Variants in DGKB observed in about 807,000 individuals in gnomAD.
DGKB encodes the protein 90 kDa diacylglycerol kinase.
DGKB carries 67 observed loss-of-function variants against 114.3 expected under a neutral mutation model. The ratio of observed to expected loss-of-function variants is 0.59; its 90% CI spans 0.48 to 0.72. The LOEUF is 0.72. Among genes scored for constraint, DGKB ranks in the 30% least tolerant of loss-of-function variants. The pLI, the probability that DGKB is intolerant of heterozygous loss-of-function variation, is 0.00. For synonymous variants in DGKB, 398 were observed against 323.1 expected, an observed-to-expected ratio of 1.23 and a Z score of -2.49; for missense variants, 907 against 975.2, an observed-to-expected ratio of 0.93 and a Z score of 0.93.
At chr7:14,844,712 G>C (rs893610699) in intron 1 of DGKB, among the ~76,000 whole-genome samples, 44 of 152,246 alleles carry the variant, frequency 2.9e-4, no homozygotes, top group African/African-American at 1.0e-3. Context: ...GATTCCTGAG[G>C]CCTGTCTGAC....
At chr7:14,674,927 T>C (rs1385606227) in intron 12 of DGKB, among the ~76,000 whole-genome samples, 2 of 152,080 alleles carry the variant, frequency 1.3e-5, no homozygotes, top group Non-Finnish European at 1.5e-5. Flanking sequence ...AGGCACCTAT[T>C]ATATGACATT....
chr7:14,459,014 G>C (rs1043595181), intron 21 of DGKB, among the ~76,000 whole-genome samples: 1 of 151,536 alleles, frequency 6.6e-6, no homozygotes, highest in Non-Finnish European at 1.5e-5. Context: ...CAGCTTGGTG[G>C]GGGGAGGGGC....
At chr7:14,719,426 T>C (rs996295470) in intron 5 of DGKB, among the ~76,000 whole-genome samples, 1 of 126,172 alleles carries the variant, frequency 7.9e-6, no homozygotes, top group Non-Finnish European at 1.8e-5. Context: ...AACTTGTTAG[T>C]TCTGTCTTAC....
intron 1 of DGKB, among the ~76,000 whole-genome samples, chr7:14,914,505 AG>A (rs1241391804): frequency 1.3e-5 from 2 of 152,182 alleles, no homozygotes; most frequent in African/African-American, 4.8e-5. Flanking sequence ...GCAAATATTA[AG>A]TACAACCCTC....
chr7:14,513,604 G>A (rs1788311802), intron 20 of DGKB, among the ~76,000 whole-genome samples: 1 of 151,808 alleles, frequency 6.6e-6, no homozygotes, highest in South Asian at 2.1e-4. Flanking sequence ...TACATCTATT[G>A]CATTTTGGGC....
At chr7:14,645,791 T>TGAGG (rs1002872732) in intron 13 of DGKB, among the ~76,000 whole-genome samples, 12 of 151,358 alleles carry the variant, frequency 7.9e-5, no homozygotes, top group Middle Eastern at 3.5e-3. Flanking sequence ...AAGCAAAAAC[T>TGAGG]GAGGGAATTC....
At chr7:14,371,193 G>T (rs950213299) in intron 21 of DGKB, among the ~76,000 whole-genome samples, 3 of 152,106 alleles carry the variant, frequency 2.0e-5, no homozygotes, top group Non-Finnish European at 4.4e-5. Context: ...CCAGTAATGA[G>T]ATTGCTGGGT....
At chr7:14,321,028 T>C (rs1807674081) in intron 23 of DGKB, among the ~76,000 whole-genome samples, 1 of 152,190 alleles carries the variant, frequency 6.6e-6, no homozygotes, top group Non-Finnish European at 1.5e-5. Flanking sequence ...AGGTGGCTCA[T>C]GCCAGTAATC....
intron 1 of DGKB, among the ~76,000 whole-genome samples, chr7:14,889,273 G>T (rs1780800375): frequency 6.6e-6 from 1 of 151,666 alleles, no homozygotes; most frequent in Admixed American, 6.6e-5. Context: ...AGCTCTACCA[G>T]CATTCCATGT....
At chr7:14,426,034 A>AT (rs1201009589) in intron 21 of DGKB, among the ~76,000 whole-genome samples, 4 of 152,138 alleles carry the variant, frequency 2.6e-5, no homozygotes, top group Non-Finnish European at 4.4e-5. Flanking sequence ...AAACTCCTGT[A>AT]TTTTTTGAAT....
At chr7:14,323,548 A>G (rs1170832709) in intron 23 of DGKB, among the ~76,000 whole-genome samples, 10 of 152,200 alleles carry the variant, frequency 6.6e-5, no homozygotes, top group Admixed American at 6.5e-4. Flanking sequence ...TATTTTAACA[A>G]TGACCTGTTT....
chr7:14,631,545 C>T (rs562511205), intron 13 of DGKB, among the ~76,000 whole-genome samples: 1 of 152,030 alleles, frequency 6.6e-6, no homozygotes, highest in East Asian at 1.9e-4. Context: ...CTCTGGCCAA[C>T]TATCCATTCC....
chr7:14,718,994 T>G, intron 5 of DGKB: 1 of 200,860 alleles, frequency 5.0e-6, no homozygotes, highest in Non-Finnish European at 9.9e-6. Flanking sequence ...ACTTCCCTAT[T>G]CCACTTTTCT....
intron 21 of DGKB, among the ~76,000 whole-genome samples, chr7:14,428,908 T>C (rs1339809720): frequency 6.6e-6 from 1 of 152,104 alleles, no homozygotes; most frequent in African/African-American, 2.4e-5. Flanking sequence ...CTAAGGACTC[T>C]TTGTAATATA....
Position 14,683,815 on chromosome 7 carries a change from G to C in DGKB, c.830-974C>G, listed in dbSNP as rs964100929. Reference sequence around the variant, plus strand: ...CTGTGATTTTCTTTGGCAACATTGAGGGAGAAAACATGTTTTCTCTTCTCC... The same window carrying C: ...CTGTGATTTTCTTTGGCAACATTGACGGAGAAAACATGTTTTCTCTTCTCC... On this transcript the variant is annotated intron_variant, in intron 10 of 25. Coordinates refer to ENST00000402815, the MANE Select transcript of DGKB (RefSeq NM_001350709.2). Among the ~76,000 whole-genome samples the C allele has an allele frequency of 1.3e-4, 19 of 151,818 alleles. 1 individual carries two copies. The highest frequency in any genetic ancestry group is 1.2e-3 in the Admixed American group (19 of 15,224).
intron 23 of DGKB, among the ~76,000 whole-genome samples, chr7:14,222,698 A>T (rs552896547): frequency 5.3e-5 from 8 of 151,624 alleles, no homozygotes; most frequent in African/African-American, 1.7e-4. Context: ...CAGAGTTCCA[A>T]TGTTCTATTT....
At chr7:14,660,560 G>A (rs1816830137) in intron 13 of DGKB, among the ~76,000 whole-genome samples, 1 of 151,802 alleles carries the variant, frequency 6.6e-6, no homozygotes, top group Non-Finnish European at 1.5e-5. Flanking sequence ...GGGATCGGTG[G>A]TGATATCCCC....
At chr7:14,667,171 G>A (rs1478253802) in intron 13 of DGKB, among the ~76,000 whole-genome samples, 1 of 151,938 alleles carries the variant, frequency 6.6e-6, no homozygotes, top group Admixed American at 6.6e-5. Flanking sequence ...TTAACCTACA[G>A]CTTATAACAA....
chr7:14,743,272 T>C (rs796689686), intron 4 of DGKB, among the ~76,000 whole-genome samples: 71 of 152,278 alleles, frequency 4.7e-4, no homozygotes, highest in African/African-American at 1.7e-3. Flanking sequence ...TAATGAAAGA[T>C]TTTCATGTGC....
Sources: gnomAD v4.1 joint callset for allele counts (sites outside exome capture counted in the v4.1 genomes callset) on GRCh38, gnomAD v4.1.1 for gene constraint, MANE v1.5 for transcripts, NCBI Gene and HGNC (gene_info 2026-07-23, HGNC 2026-07-21) for gene names.